Variants in ADAMTS3 observed in about 807,000 individuals in gnomAD.
ADAMTS3 encodes A disintegrin and metalloproteinase with thrombospondin motifs 3.
A neutral mutation model predicts 129.0 loss-of-function variants in ADAMTS3; 73 were observed. That is an observed-to-expected ratio of 0.57 (90% CI 0.47 to 0.69). The LOEUF (loss-of-function observed/expected upper bound fraction) is 0.69. Among genes scored for constraint, ADAMTS3 ranks in the 30% least tolerant of loss-of-function variants. The pLI, the probability that ADAMTS3 is intolerant of heterozygous loss-of-function variation, is 0.00. For missense variants in ADAMTS3, 1,457 were observed against 1,514.5 expected (o/e 0.96, Z 0.63); for synonymous variants, 477 against 510.8 (o/e 0.93, Z 0.89).
At chr4:72,530,013 A>T (rs1403121006) in intron 3 of ADAMTS3, among the ~76,000 whole-genome samples, 2 of 7,568 alleles carry the variant, frequency 2.6e-4, no homozygotes, top group African/African-American at 3.5e-4. Context: ...AATATATAAT[A>T]TATTATATTT....
intron 4 of ADAMTS3, among the ~76,000 whole-genome samples, chr4:72,353,085 C>T (rs1250142143): frequency 6.7e-6 from 1 of 149,238 alleles, no homozygotes; most frequent in East Asian, 1.9e-4. Flanking sequence ...TGTTTATGGG[C>T]CTTTCAGTTC....
At chr4:72,386,644 A>G (rs918316529) in intron 4 of ADAMTS3, among the ~76,000 whole-genome samples, 1 of 152,192 alleles carries the variant, frequency 6.6e-6, no homozygotes, top group African/African-American at 2.4e-5. Context: ...AAGCAACCAG[A>G]CAAACACACA....
intron 4 of ADAMTS3, among the ~76,000 whole-genome samples, chr4:72,377,989 AT>A (rs1398734047): frequency 1.3e-5 from 2 of 152,182 alleles, no homozygotes; most frequent in African/African-American, 4.8e-5. Context: ...CGGAGTAATG[AT>A]TAGTTAAAGA....
chr4:72,325,304 CTCTTA>C (rs150856963), intron 5 of ADAMTS3, among the ~76,000 whole-genome samples: 6,348 of 152,186 alleles, frequency 0.042, 205 homozygotes, highest in Non-Finnish European at 0.062. Flanking sequence ...TGGGCTGATT[CTCTTA>C]TCTTATGCCA....
At chr4:72,567,497 T>C (rs543084326) in intron 1 of ADAMTS3, 96 bp from the exon 2 acceptor site, 40 of 1,286,810 alleles carry the variant, frequency 3.1e-5, no homozygotes, top group Admixed American at 5.6e-5. Context: ...TTCCAAGAGC[T>C]AACTAATCAG....
In ADAMTS3 at chr4:72,358,142, T is replaced by C. The variant is rs111718924; in HGVS notation, c.662-18449A>G. Among the ~76,000 whole-genome samples, 19 of 152,016 alleles carry C rather than the reference T, an allele frequency of 1.2e-4. 2 individuals carry two copies. Among genetic ancestry groups the C allele is most frequent in the African/African-American group, 4.6e-4 (19 of 41,502 alleles). On this transcript the variant is annotated intron_variant, in intron 4 of 21. Transcript: ENST00000286657. ...GGAGTACACAGGATATATGCCAGCT[T>C]TTTGCCAAAGATGCCTATGAGATCA...
At chr4:72,522,471 G>A (rs1228851564) in intron 3 of ADAMTS3, among the ~76,000 whole-genome samples, 1 of 152,120 alleles carries the variant, frequency 6.6e-6, no homozygotes, top group Non-Finnish European at 1.5e-5. Context: ...GCTTGTTGAG[G>A]ACACATTCAC....
At chr4:72,461,087 A>C (rs1718756451) in intron 3 of ADAMTS3, among the ~76,000 whole-genome samples, 1 of 151,702 alleles carries the variant, frequency 6.6e-6, no homozygotes, top group Non-Finnish European at 1.5e-5. Flanking sequence ...GCATACAAAA[A>C]CTACTAACAT....
chr4:72,553,814 T>C (rs13132401), intron 2 of ADAMTS3, among the ~76,000 whole-genome samples: 6,645 of 152,282 alleles, frequency 0.044, 198 homozygotes, highest in Non-Finnish European at 0.061. Context: ...GGAGTATTAG[T>C]AGCCAGTGCA....
At chr4:72,567,683 G>C (rs6830744) in intron 1 of ADAMTS3, among the ~76,000 whole-genome samples, 146,354 of 152,266 alleles carry the variant, frequency 0.96, 70,606 homozygotes, top group East Asian at 1. Context: ...CTTCTGAAAT[G>C]TCGTACTGGG....
At chr4:72,368,814 T>G (rs774054664) in intron 4 of ADAMTS3, among the ~76,000 whole-genome samples, 5 of 152,228 alleles carry the variant, frequency 3.3e-5, no homozygotes, top group Non-Finnish European at 7.3e-5. Flanking sequence ...TTTACACAAT[T>G]CTAAAGTGTA....
At chr4:72,530,361 TATAA>T (rs1215084301) in intron 3 of ADAMTS3, among the ~76,000 whole-genome samples, 200 of 85,030 alleles carry the variant, frequency 2.4e-3, no homozygotes, top group African/African-American at 9.6e-3. Flanking sequence ...TAAATTAATA[TATAA>T]ATATAATATA....
chr4:72,320,600 T>G, intron 7 of ADAMTS3, 114 bp downstream of exon 7: 1 of 1,068,892 alleles, frequency 9.4e-7, no homozygotes, highest in Non-Finnish European at 1.4e-6. Context: ...GCTTGGCCGG[T>G]GTGTGGTGGA....
At chr4:72,331,948 TG>T (rs543557771) in intron 5 of ADAMTS3, among the ~76,000 whole-genome samples, 26 of 152,328 alleles carry the variant, frequency 1.7e-4, no homozygotes, top group African/African-American at 6.0e-4. Context: ...TATTATCATT[TG>T]TTGATTGGTT....
At chr4:72,533,503 T>C (rs1017025575) in intron 3 of ADAMTS3, among the ~76,000 whole-genome samples, 3 of 151,956 alleles carry the variant, frequency 2.0e-5, no homozygotes, top group African/African-American at 7.3e-5. Context: ...GAACAGTAAA[T>C]AAACTAGTAA....
At chr4:72,408,204 A>C (rs575084432) in intron 4 of ADAMTS3, among the ~76,000 whole-genome samples, 2 of 152,198 alleles carry the variant, frequency 1.3e-5, no homozygotes, top group Non-Finnish European at 2.9e-5. Context: ...TTTCAGAGCC[A>C]CATTTATTTT....
At chr4:72,461,128 T>G (rs1718757462) in intron 3 of ADAMTS3, among the ~76,000 whole-genome samples, 1 of 151,692 alleles carries the variant, frequency 6.6e-6, no homozygotes, top group Admixed American at 6.6e-5. Flanking sequence ...GGGAGTCTCA[T>G]TCTACCATAT....
intron 3 of ADAMTS3, among the ~76,000 whole-genome samples, chr4:72,531,898 G>T (rs1219667584): frequency 6.6e-6 from 1 of 152,094 alleles, no homozygotes; most frequent in African/African-American, 2.4e-5. Context: ...TGGCACTCAT[G>T]TGTGCCTACA....
intron 4 of ADAMTS3, among the ~76,000 whole-genome samples, chr4:72,413,249 C>G (rs1324551916): frequency 2.6e-5 from 4 of 151,976 alleles, no homozygotes; most frequent in African/African-American, 9.7e-5. Flanking sequence ...AGTAACTGAT[C>G]TGGCTTCCAG....
Sources: gnomAD v4.1 joint callset for allele counts (sites outside exome capture counted in the v4.1 genomes callset) on GRCh38, gnomAD v4.1.1 for gene constraint, MANE v1.5 for transcripts, NCBI Gene and HGNC (gene_info 2026-07-23, HGNC 2026-07-21) for gene names.